The following TMEM132B variants were observed in gnomAD, a reference collection of about 807,000 sequenced individuals.
TMEM132B encodes the protein transmembrane protein 132B.
Under a neutral mutation model 90.8 loss-of-function variants are expected in TMEM132B, and 18 were observed. The ratio of observed to expected loss-of-function variants is 0.20; its 90% CI spans 0.14 to 0.29. The LOEUF is 0.29. Among genes scored for constraint, TMEM132B ranks in the 10% least tolerant of loss-of-function variants. TMEM132B has a pLI of 1.00. For synonymous variants in TMEM132B, 504 were observed against 523.3 expected (o/e 0.96, Z 0.50); for missense variants, 1,096 against 1,326.8 (o/e 0.83, Z 2.70).
At chr12:125,224,720 C>G (rs1873637747) in intron 1 of TMEM132B, among the ~76,000 whole-genome samples, 1 of 152,226 alleles carries the variant, frequency 6.6e-6, no homozygotes, top group African/African-American at 2.4e-5. Flanking sequence ...TATCTGATGC[C>G]ATTTCTTTTA....
rs139362756 is a variant in TMEM132B, at chr12:125,399,458, A to AGTGTGT, written c.960-16054_960-16049dup. 9.0e-5 allele frequency among the ~76,000 whole-genome samples: 12 copies of AGTGTGT among 132,726 alleles called. 1 individual carries two copies. Among genetic ancestry groups the AGTGTGT allele is most frequent in the African/African-American group, 2.2e-4 (8 of 35,574 alleles). The allele number at this position is 132,726 out of a possible 152,430, so 87.1% of individuals were successfully genotyped here. A position where few individuals can be genotyped will look rare whatever the true frequency, so the allele number is the denominator to read the frequency against. On this transcript the variant is annotated intron_variant, in intron 2 of 8. Transcript: ENST00000682704. ...TTGCTGTGGAAGATGTGAAGAAGGA[A>AGTGTGT]GTGTGTGTGTGTGTGTGTGTGTGTA...
intron 1 of TMEM132B, among the ~76,000 whole-genome samples, chr12:125,289,027 A>G (rs1466461433): frequency 6.6e-6 from 1 of 152,158 alleles, no homozygotes. Context: ...TCTAAACCTT[A>G]TTGCAAGGAG....
At chr12:125,195,179 A>C (rs1872897088) in intron 1 of TMEM132B, among the ~76,000 whole-genome samples, 1 of 151,916 alleles carries the variant, frequency 6.6e-6, no homozygotes, top group Non-Finnish European at 1.5e-5. Context: ...TTTACTGTGC[A>C]CCTGCACTGT....
chr12:125,343,175 G>C (rs1460648224), intron 1 of TMEM132B, among the ~76,000 whole-genome samples: 3 of 152,134 alleles, frequency 2.0e-5, no homozygotes, highest in Non-Finnish European at 4.4e-5. Flanking sequence ...TGTTGCATAG[G>C]ATCTTCCTCC....
At chr12:125,386,215 T>C (rs998650444) in intron 2 of TMEM132B, among the ~76,000 whole-genome samples, 1 of 152,204 alleles carries the variant, frequency 6.6e-6, no homozygotes, top group Admixed American at 6.5e-5. Flanking sequence ...CTTGAACTCT[T>C]GGGCTCAAGT....
chr12:125,616,602 C>G (rs139306020), intron 5 of TMEM132B, among the ~76,000 whole-genome samples: 1 of 152,268 alleles, frequency 6.6e-6, no homozygotes, highest in African/African-American at 2.4e-5. Flanking sequence ...GACAGCTTTG[C>G]AAAGCTACTT....
At chr12:125,206,194 G>A (rs532381340) in intron 1 of TMEM132B, among the ~76,000 whole-genome samples, 13 of 152,226 alleles carry the variant, frequency 8.5e-5, no homozygotes, top group African/African-American at 2.6e-4. Flanking sequence ...GGCACCAGAT[G>A]CCCCTTTCCT....
chr12:125,448,154 C>T (rs1881055068), intron 3 of TMEM132B, among the ~76,000 whole-genome samples: 2 of 151,954 alleles, frequency 1.3e-5, no homozygotes, highest in East Asian at 1.9e-4. Context: ...ATCCCAGCTA[C>T]TTAGGAGGCT....
chr12:125,543,837 C>G (rs1884021399), intron 4 of TMEM132B, among the ~76,000 whole-genome samples: 2 of 152,300 alleles, frequency 1.3e-5, no homozygotes, highest in South Asian at 4.2e-4. Context: ...ATCCAGCAAT[C>G]CCATTACTGG....
chr12:125,265,059 C>A (rs1874654874), intron 1 of TMEM132B, among the ~76,000 whole-genome samples: 1 of 152,338 alleles, frequency 6.6e-6, no homozygotes. Flanking sequence ...CAGCTTGTTA[C>A]TGTACTGAAT....
intron 4 of TMEM132B, among the ~76,000 whole-genome samples, chr12:125,580,850 C>T (rs1433928433): frequency 3.3e-5 from 5 of 152,182 alleles, no homozygotes; most frequent in African/African-American, 4.8e-5. Flanking sequence ...ACCTAGAACT[C>T]ACACAAATAA....
chr12:125,520,703 C>A (rs568712056), intron 4 of TMEM132B, among the ~76,000 whole-genome samples: 1 of 152,308 alleles, frequency 6.6e-6, no homozygotes, highest in African/African-American at 2.4e-5. Flanking sequence ...TCTTCCTAGA[C>A]ATTATCACTG....
At chr12:125,192,921 G>A (rs553403801) in intron 1 of TMEM132B, among the ~76,000 whole-genome samples, 4 of 152,132 alleles carry the variant, frequency 2.6e-5, no homozygotes, top group Non-Finnish European at 4.4e-5. Flanking sequence ...AATGGGCGCC[G>A]AAATTCTCCC....
At chr12:125,598,265 G>C (rs1386916502) in intron 5 of TMEM132B, among the ~76,000 whole-genome samples, 2 of 152,170 alleles carry the variant, frequency 1.3e-5, no homozygotes, top group Non-Finnish European at 2.9e-5. Flanking sequence ...TTGAGGAAAG[G>C]AAGTCTTTCA....
intron 3 of TMEM132B, among the ~76,000 whole-genome samples, chr12:125,463,489 A>G (rs1330702539): frequency 6.6e-6 from 1 of 152,038 alleles, no homozygotes; most frequent in African/African-American, 2.4e-5. Context: ...TTTTATTTCT[A>G]TTGCATTTTC....
At position 125,659,525 on chromosome 12, in the gene TMEM132B, T is replaced by C. The variant is rs1887156408; in HGVS notation, c.*4815T>C. On this transcript the variant is annotated 3_prime_UTR_variant, in exon 9 of 9. Transcript: ENST00000682704. ...ACCACAGGACAGGCGGGGATTCTTT[T>C]TGAGAGGCTGAAGTAGATGTTTCAG... The C allele has an allele frequency of 6.6e-6, 1 of 152,286 alleles. No individual in the cohort carries two copies. The highest frequency in any genetic ancestry group is 2.4e-5 in the African/African-American group (1 of 41,422). 9.4% of individuals were successfully genotyped at this position (152,286 alleles called of 1,614,324 possible). A position where few individuals can be genotyped will look rare whatever the true frequency, so the allele number is the denominator to read the frequency against.
At chr12:125,600,924 TA>T (rs1477108552) in intron 5 of TMEM132B, among the ~76,000 whole-genome samples, 1 of 152,190 alleles carries the variant, frequency 6.6e-6, no homozygotes, top group Non-Finnish European at 1.5e-5. Flanking sequence ...CTAACTATCC[TA>T]AATATATATG....
At chr12:125,564,240 T>C (rs1884610553) in intron 4 of TMEM132B, among the ~76,000 whole-genome samples, 1 of 152,260 alleles carries the variant, frequency 6.6e-6, no homozygotes, top group African/African-American at 2.4e-5. Context: ...AAATTGCTTA[T>C]TTTATATATT....
At chr12:125,504,937 C>T (rs1882792027) in intron 3 of TMEM132B, among the ~76,000 whole-genome samples, 1 of 151,948 alleles carries the variant, frequency 6.6e-6, no homozygotes, top group Non-Finnish European at 1.5e-5. Flanking sequence ...ATTCTGTATA[C>T]AATCTCTGCC....
Sources: gnomAD v4.1 joint callset for allele counts (sites outside exome capture counted in the v4.1 genomes callset) on GRCh38, gnomAD v4.1.1 for gene constraint, MANE v1.5 for transcripts, NCBI Gene and HGNC (gene_info 2026-07-23, HGNC 2026-07-21) for gene names.